ZMYND8: variants seen among roughly 807,000 people sequenced by gnomAD.
ZMYND8 encodes the protein MYND-type zinc finger-containing chromatin reader ZMYND8.
Under a neutral mutation model 140.8 loss-of-function variants are expected in ZMYND8, and 37 were observed. The observed-to-expected ratio is 0.26, with a 90% CI of 0.20 to 0.35. The LOEUF (loss-of-function observed/expected upper bound fraction) is 0.35. Ranked by LOEUF, ZMYND8 falls within the 10% of genes least tolerant of loss-of-function variation. The pLI is 1.00. For synonymous variants in ZMYND8, 592 were observed against 597.1 expected (o/e 0.99, Z 0.12); for missense variants, 1,068 against 1,570.0 (o/e 0.68, Z 5.40).
chr20:47,244,813 T>TC (rs2040362097), intron 14 of ZMYND8, among the ~76,000 whole-genome samples: 1 of 152,136 alleles, frequency 6.6e-6, no homozygotes, highest in Non-Finnish European at 1.5e-5. Context: ...TCCCAGCACT[T>TC]TAGGAGGCCG....
intron 10 of ZMYND8, 67 bp downstream of exon 10, chr20:47,282,035 T>C (rs1197437501): frequency 2.3e-6 from 3 of 1,293,348 alleles, no homozygotes; most frequent in Non-Finnish European, 3.2e-6. Context: ...CCACTTCTTT[T>C]CTTATCTCAT....
chr20:47,292,143 T>A (rs1203111743), intron 5 of ZMYND8, among the ~76,000 whole-genome samples: 1 of 152,236 alleles, frequency 6.6e-6, no homozygotes, highest in Non-Finnish European at 1.5e-5. Flanking sequence ...ACAGATCCTG[T>A]CCTCTTACAT....
At chr20:47,250,700 C>T (rs2074100263) in intron 12 of ZMYND8, among the ~76,000 whole-genome samples, 1 of 152,236 alleles carries the variant, frequency 6.6e-6, no homozygotes, top group African/African-American at 2.4e-5. Context: ...AACCACTTTC[C>T]TGTTCATGCA....
intron 3 of ZMYND8, among the ~76,000 whole-genome samples, chr20:47,300,638 G>A (rs1044519539): frequency 1.3e-5 from 2 of 152,086 alleles, no homozygotes; most frequent in Non-Finnish European, 2.9e-5. Flanking sequence ...TCTTTTTAAT[G>A]GCTAGGACCT....
chr20:47,350,107 C>A, intron 1 of ZMYND8: 1 of 1,231,998 alleles, frequency 8.1e-7, no homozygotes, highest in Non-Finnish European at 1.1e-6. Flanking sequence ...TTTATCTTTC[C>A]AAGTATTACA....
chr20:47,298,942 T>C lies in ZMYND8; in HGVS notation c.240A>G (p.Glu80=). The change falls in exon 4 of 23, where the codon GAA becomes GAG. Residue 80 remains glutamate (E), a synonymous_variant. Coordinates refer to ENST00000471951, the MANE Select transcript of ZMYND8 (RefSeq NM_001281775.3). The surrounding 1 kb of genome is among the most constrained non-coding windows in gnomAD (Gnocchi z 5.0). ...LLNSNNKEQS[E]LRHGPFYYMK... ...TATAGTAAAACGGACCATGTCTTAG[T>C]TCTGACTGAAATGTAGGCAAAAAGA... 3 of 1,613,892 alleles carry C rather than the reference T, an allele frequency of 1.9e-6. No individual in the cohort carries two copies. The highest frequency in any genetic ancestry group is 2.5e-6 in the Non-Finnish European group (3 of 1,179,752).
At chr20:47,236,551 G>T (rs1256577137) in intron 15 of ZMYND8, 35 bp from the exon 16 acceptor site, 1 of 1,516,106 alleles carries the variant, frequency 6.6e-7, no homozygotes, top group East Asian at 2.3e-5. Context: ...ACCCCACGTG[G>T]GAAGGACCCA....
intron 11 of ZMYND8, 43 bp downstream of exon 11, chr20:47,276,271 G>GT: frequency 6.7e-7 from 1 of 1,492,782 alleles, no homozygotes. Context: ...GGAAACCCCC[G>GT]TGTCCAAGGG....
chr20:47,280,740 T>TAC (rs979573375), intron 10 of ZMYND8, among the ~76,000 whole-genome samples: 4 of 152,168 alleles, frequency 2.6e-5, no homozygotes, highest in Non-Finnish European at 5.9e-5. Flanking sequence ...AGGAGGGATG[T>TAC]ACAGCCTGTC....
At chr20:47,248,296 G>C (rs1432815381) in intron 13 of ZMYND8, among the ~76,000 whole-genome samples, 2 of 152,034 alleles carry the variant, frequency 1.3e-5, no homozygotes. Context: ...AACAAATCAA[G>C]AGTTGGGCCA....
intron 12 of ZMYND8, among the ~76,000 whole-genome samples, chr20:47,255,722 GTATA>G (rs369654557): frequency 0.05 from 3,863 of 76,684 alleles, 158 homozygotes; most frequent in Non-Finnish European, 0.058. Flanking sequence ...GTGTATGTGT[GTATA>G]TATATATATA....
chr20:47,336,696 G>A (rs532041369), intron 2 of ZMYND8, among the ~76,000 whole-genome samples: 3 of 152,304 alleles, frequency 2.0e-5, no homozygotes, highest in Admixed American at 6.5e-5. Flanking sequence ...CTTCTGACCC[G>A]GAAATGCGTT....
intron 11 of ZMYND8, among the ~76,000 whole-genome samples, chr20:47,268,161 TAAAC>T (rs1225307389): frequency 2.0e-5 from 3 of 151,992 alleles, no homozygotes; most frequent in Non-Finnish European, 4.4e-5. Context: ...TGATAAGCAA[TAAAC>T]AAACAATGAC....
intron 2 of ZMYND8, among the ~76,000 whole-genome samples, chr20:47,340,316 G>T (rs1476893707): frequency 2.0e-5 from 3 of 152,082 alleles, no homozygotes; most frequent in Admixed American, 2.0e-4. Context: ...GGTGGTCCAG[G>T]GGTGCTTAAA....
chr20:47,350,721 TAGAC>T (rs1335247654), intron 1 of ZMYND8, among the ~76,000 whole-genome samples: 2 of 152,184 alleles, frequency 1.3e-5, no homozygotes, highest in Non-Finnish European at 2.9e-5. Flanking sequence ...TCTTAGAACA[TAGAC>T]AGCTTATTTC....
intron 3 of ZMYND8, among the ~76,000 whole-genome samples, chr20:47,303,642 G>A (rs1236413865): frequency 1.3e-5 from 2 of 151,840 alleles, no homozygotes; most frequent in African/African-American, 4.8e-5. Flanking sequence ...GTTGCGGTGA[G>A]CCAAGATCAC....
chr20:47,292,733 G>A (rs1295680666), intron 5 of ZMYND8, among the ~76,000 whole-genome samples: 1 of 151,980 alleles, frequency 6.6e-6, no homozygotes. Context: ...AATCAGGTAG[G>A]GGGCATCATG....
intron 3 of ZMYND8, among the ~76,000 whole-genome samples, chr20:47,304,212 T>G (rs994066121): frequency 6.6e-6 from 1 of 152,188 alleles, no homozygotes; most frequent in Non-Finnish European, 1.5e-5. Flanking sequence ...GAAAATGTTC[T>G]TATTTCCCTG....
intron 2 of ZMYND8, among the ~76,000 whole-genome samples, chr20:47,334,272 G>A (rs2081209454): frequency 6.6e-6 from 1 of 152,132 alleles, no homozygotes; most frequent in African/African-American, 2.4e-5. Context: ...AAAATGCCAA[G>A]TACTGTTTGT....
Sources: gnomAD v4.1 joint callset for allele counts (sites outside exome capture counted in the v4.1 genomes callset) on GRCh38, gnomAD v4.1.1 for gene constraint, Gnocchi (gnomAD v3.1) non-coding constraint, MANE v1.5 for transcripts, NCBI Gene and HGNC (gene_info 2026-07-23, HGNC 2026-07-21) for gene names.